The following SYNRG variants were observed in gnomAD, a reference collection of about 807,000 sequenced individuals.
SYNRG encodes synergin gamma, also known as AP1 gamma subunit binding protein 1.
A neutral mutation model predicts 130.9 loss-of-function variants in SYNRG; 37 were observed. The observed-to-expected ratio is 0.28, with a 90% CI of 0.22 to 0.37. The LOEUF is 0.37. Among genes scored for constraint, SYNRG ranks in the 10% least tolerant of loss-of-function variants. SYNRG has a pLI of 1.00. For synonymous variants in SYNRG, 539 were observed against 568.1 expected (o/e 0.95, Z 0.73); for missense variants, 1,338 against 1,588.9 (o/e 0.84, Z 2.68).
At chr17:37,537,142 A>G (rs1023468213) in intron 18 of SYNRG, 7 of 152,312 alleles carry the variant, frequency 4.6e-5, no homozygotes, top group African/African-American at 7.2e-5. Flanking sequence ...GCAGGAAAAG[A>G]AGACCCCAAG....
In SYNRG at chr17:37,586,477, G is replaced by A. The variant is rs143289977; in HGVS notation, c.313C>T (p.Arg105Cys). 21 of 1,614,006 alleles carry A rather than the reference G, an allele frequency of 1.3e-5. No homozygotes were observed. Among genetic ancestry groups the A allele is most frequent in the South Asian group, 5.5e-5 (5 of 91,088 alleles). Residue 105 changes from arginine to cysteine, a missense_variant, in exon 4 of 22, where the codon CGT becomes TGT. This residue lies in a region of SYNRG where 184 missense variants were observed against 217.2 expected (regional missense o/e 0.85). Coordinates refer to ENST00000612223, the MANE Select transcript of SYNRG (RefSeq NM_007247.6). Reference sequence around the variant, plus strand: ...GGAGTGTACTGTGGGCCTGGAGGACGCATGCCCAGGAAGGGTGCTTGTCCT... The same window carrying A: ...GGAGTGTACTGTGGGCCTGGAGGACACATGCCCAGGAAGGGTGCTTGTCCT... Reference protein sequence around the residue: ...YLGQAPFLGMRPPGPQYTPDM... With the variant: ...YLGQAPFLGMCPPGPQYTPDM...
At chr17:37,548,876 T>C (rs1487766256) in intron 14 of SYNRG, among the ~76,000 whole-genome samples, 1 of 149,610 alleles carries the variant, frequency 6.7e-6, no homozygotes, top group East Asian at 1.9e-4. Context: ...GGCTCATGCC[T>C]GTAATCCCAG....
intron 13 of SYNRG, among the ~76,000 whole-genome samples, chr17:37,555,381 C>A (rs1395145994): frequency 6.6e-6 from 1 of 152,198 alleles, no homozygotes; most frequent in Non-Finnish European, 1.5e-5. Flanking sequence ...CCTGCCTCGG[C>A]CTCCCAAAGT....
chr17:37,599,564 T>C (rs2063085269), intron 2 of SYNRG, among the ~76,000 whole-genome samples: 1 of 152,006 alleles, frequency 6.6e-6, no homozygotes, highest in Admixed American at 6.6e-5. Flanking sequence ...CTACAGAATA[T>C]TTAAAAATTA....
chr17:37,584,855 C>A, intron 5 of SYNRG, 96 bp from the exon 6 acceptor site: 1 of 920,942 alleles, frequency 1.1e-6, no homozygotes, highest in Non-Finnish European at 1.6e-6. Flanking sequence ...TCATCTATTT[C>A]CAATATTTTT....
intron 19 of SYNRG, among the ~76,000 whole-genome samples, chr17:37,531,345 G>C (rs2056614159): frequency 6.6e-6 from 1 of 152,122 alleles, no homozygotes; most frequent in Non-Finnish European, 1.5e-5. Flanking sequence ...TCTACAGGGA[G>C]GGTTTGTGCA....
chr17:37,522,637 CTT>C (rs36077729), intron 19 of SYNRG, among the ~76,000 whole-genome samples: 19,170 of 98,022 alleles, frequency 0.2, 1,245 homozygotes, highest in Middle Eastern at 0.27. Flanking sequence ...CCAGCTAACA[CTT>C]TTTTTTTTTT....
intron 8 of SYNRG, among the ~76,000 whole-genome samples, chr17:37,572,580 T>C (rs180916040): frequency 9.2e-5 from 14 of 152,338 alleles, no homozygotes; most frequent in African/African-American, 3.1e-4. Flanking sequence ...CAAGACAGCA[T>C]GCTTTGGACT....
intron 1 of SYNRG, among the ~76,000 whole-genome samples, chr17:37,605,299 A>C (rs1446148865): frequency 6.6e-6 from 1 of 152,246 alleles, no homozygotes; most frequent in Non-Finnish European, 1.5e-5. Context: ...AATCAGGCTT[A>C]AACATTTAAA....
intron 3 of SYNRG, among the ~76,000 whole-genome samples, chr17:37,591,004 T>TA (rs35808364): frequency 6.6e-6 from 1 of 152,048 alleles, no homozygotes; most frequent in African/African-American, 2.4e-5. Flanking sequence ...TTCAATTCTT[T>TA]AAAAAAATGT....
At chr17:37,539,671 G>A (rs1394877080) in intron 16 of SYNRG, among the ~76,000 whole-genome samples, 5 of 152,072 alleles carry the variant, frequency 3.3e-5, no homozygotes, top group African/African-American at 7.2e-5. Flanking sequence ...ATGCCCAGCC[G>A]CAGTTTATCT....
At chr17:37,601,718 G>A (rs899313241) in intron 1 of SYNRG, among the ~76,000 whole-genome samples, 9 of 152,126 alleles carry the variant, frequency 5.9e-5, no homozygotes, top group African/African-American at 2.2e-4. Context: ...AGGTTGGAGT[G>A]TGATGGCATG....
chr17:37,545,219 CAAA>C (rs980118326), intron 14 of SYNRG, among the ~76,000 whole-genome samples: 1 of 141,046 alleles, frequency 7.1e-6, no homozygotes. Context: ...AACTCCGTCT[CAAA>C]AAAAAAAAAT....
intron 19 of SYNRG, among the ~76,000 whole-genome samples, chr17:37,529,361 A>G (rs907699907): frequency 6.6e-6 from 1 of 152,136 alleles, no homozygotes; most frequent in African/African-American, 2.4e-5. Flanking sequence ...CAATCACACC[A>G]GGGATTATAT....
intron 19 of SYNRG, among the ~76,000 whole-genome samples, chr17:37,527,392 C>CT (rs2056068370): frequency 6.6e-6 from 1 of 152,154 alleles, no homozygotes; most frequent in Non-Finnish European, 1.5e-5. Flanking sequence ...AGTTTCACCT[C>CT]TTGAGAAAGA....
chr17:37,581,340 C>G (rs1413060319), intron 6 of SYNRG, among the ~76,000 whole-genome samples: 1 of 152,012 alleles, frequency 6.6e-6, no homozygotes, highest in Non-Finnish European at 1.5e-5. Flanking sequence ...AACAGTGGCA[C>G]AATCTCAGCT....
chr17:37,602,487 TGA>T (rs1444244288), intron 1 of SYNRG, among the ~76,000 whole-genome samples: 1 of 152,144 alleles, frequency 6.6e-6, no homozygotes, highest in Non-Finnish European at 1.5e-5. Context: ...TGCTTATAAC[TGA>T]GAGTTATAAC....
intron 8 of SYNRG, among the ~76,000 whole-genome samples, chr17:37,575,497 A>ATTTTC (rs1568447550): frequency 2.6e-5 from 4 of 151,950 alleles, no homozygotes; most frequent in East Asian, 3.8e-4. Flanking sequence ...CACTTTAAGG[A>ATTTTC]TTTTCTTTTC....
At position 37,577,400 on chromosome 17, in the gene SYNRG, T is replaced by G. The variant is rs1368229782; in HGVS notation, c.803A>C (p.Asn268Thr). The change falls in exon 7 of 22, where the codon AAC (asparagine) becomes ACC (threonine). Residue 268 changes from asparagine (N) to threonine (T), a missense_variant. Physicochemically the swap from Asn to Thr is moderately conservative, Grantham distance 65. Coordinates refer to ENST00000612223, the MANE Select transcript of SYNRG (RefSeq NM_007247.6). ...CTCACCACTCTCTTCAATTGACAGG[T>G]TTTGATCTGAAGTATTTTCTGCCTC... Reference protein sequence around the residue: ...TAEAENTSDQNLSIEESGVGV... With the variant: ...TAEAENTSDQTLSIEESGVGV... 2 of 1,614,162 alleles carry G rather than the reference T, an allele frequency of 1.2e-6. No individual in the cohort carries two copies. Among genetic ancestry groups the G allele is most frequent in the Middle Eastern group, 1.6e-4 (1 of 6,062 alleles).
Sources: allele counts gnomAD v4.1 joint callset (sites outside exome capture counted in the v4.1 genomes callset), GRCh38; gene constraint gnomAD v4.1.1; regional missense constraint gnomAD v4.1.1; transcripts MANE v1.5; gene names NCBI Gene and HGNC (gene_info 2026-07-23, HGNC 2026-07-21).